NFE2L3: variants seen among roughly 807,000 people sequenced by gnomAD.
NFE2L3 encodes the protein NFE2 like bZIP transcription factor 3, also known as nuclear factor erythroid 2-related factor 3.
NFE2L3 carries 18 observed loss-of-function variants against 23.5 expected under a neutral mutation model. The observed-to-expected ratio is 0.77, with a 90% CI of 0.53 to 1.13. The LOEUF is 1.13. NFE2L3 is among the 50% of genes most tolerant of loss of function. The pLI is 0.00. For synonymous variants in NFE2L3, 424 were observed against 354.5 expected (o/e 1.20, Z -2.20); for missense variants, 1,152 against 877.2 (o/e 1.31, Z -3.96).
intron 1 of NFE2L3, among the ~76,000 whole-genome samples, chr7:26,176,470 G>T (rs1784407385): frequency 6.7e-6 from 1 of 148,562 alleles, no homozygotes; most frequent in Admixed American, 6.7e-5. Context: ...TTCCCAGACG[G>T]GGCGGCCGGG....
chr7:26,153,312 C>T lies in NFE2L3; in HGVS notation c.570+244C>T, dbSNP rs116656981. Among the ~76,000 whole-genome samples, 708 of 152,302 alleles carry T rather than the reference C, an allele frequency of 4.6e-3. 4 individuals carry two copies. Among genetic ancestry groups the T allele is most frequent in the African/African-American group, 0.016 (671 of 41,568 alleles). ...TCATCCGTTTGGTTATAGAGAATAC[C>T]TTTCCTTGTGTGTGATGGCTGGCAA... On this transcript the variant is annotated intron_variant, in intron 1 of 3. Coordinates refer to ENST00000056233, the MANE Select transcript of NFE2L3 (RefSeq NM_004289.7).
intron 1 of NFE2L3, among the ~76,000 whole-genome samples, chr7:26,165,883 G>A (rs1248238970): frequency 6.6e-6 from 1 of 152,152 alleles, no homozygotes; most frequent in East Asian, 1.9e-4. Context: ...GTCAAAGCTG[G>A]CCAGGATTCT....
At chr7:26,172,805 T>A (rs1287217466) in intron 1 of NFE2L3, among the ~76,000 whole-genome samples, 4 of 152,208 alleles carry the variant, frequency 2.6e-5, no homozygotes, top group Admixed American at 2.6e-4. Context: ...GATGATAGAG[T>A]TGACCATTTG....
At chr7:26,164,918 C>A (rs1042733476) in intron 1 of NFE2L3, among the ~76,000 whole-genome samples, 1 of 152,164 alleles carries the variant, frequency 6.6e-6, no homozygotes, top group Non-Finnish European at 1.5e-5. Flanking sequence ...ATAGGGAATC[C>A]TTTCCCCATT....
chr7:26,153,316 C>G (rs775159729), intron 1 of NFE2L3, among the ~76,000 whole-genome samples: 9 of 152,182 alleles, frequency 5.9e-5, no homozygotes, highest in Non-Finnish European at 1.3e-4. Context: ...GAATACCTTT[C>G]CTTGTGTGTG....
rs75609886 is a variant in NFE2L3, at chr7:26,163,251, C to T, written c.570+10183C>T. Among the ~76,000 whole-genome samples, 1,106 of 152,262 alleles carry T rather than the reference C, an allele frequency of 7.3e-3. 14 individuals are homozygous for T. Among genetic ancestry groups the T allele is most frequent in the African/African-American group, 0.025 (1,057 of 41,542 alleles). The stretch of plus-strand genomic sequence containing the variant: ...TCCACTACTTCCATTAACTCAAAAC[C>T]GTCTGTAAATATTTTAGTATATATC... On this transcript the variant is annotated intron_variant, in intron 1 of 3. Transcript: ENST00000056233.
chr7:26,184,495 G>A (rs1048536581), intron 3 of NFE2L3, 38 bp from the exon 4 acceptor site: 7 of 1,556,652 alleles, frequency 4.5e-6, no homozygotes, highest in Non-Finnish European at 4.4e-6. Flanking sequence ...CAGAAATAGG[G>A]CTATTCATGT....
intron 1 of NFE2L3, among the ~76,000 whole-genome samples, chr7:26,157,350 T>A (rs1458165535): frequency 6.6e-6 from 1 of 151,934 alleles, no homozygotes; most frequent in Non-Finnish European, 1.5e-5. Flanking sequence ...GCTGATTTTT[T>A]TTTTTTTTAA....
intron 1 of NFE2L3, among the ~76,000 whole-genome samples, chr7:26,157,282 A>G (rs28409739): frequency 0.066 from 10,040 of 151,744 alleles, 567 homozygotes; most frequent in African/African-American, 0.15. Flanking sequence ...GACTCAAACA[A>G]TTCTCCCACC....
chr7:26,165,628 A>G (rs1207429742), intron 1 of NFE2L3, among the ~76,000 whole-genome samples: 1 of 152,158 alleles, frequency 6.6e-6, no homozygotes, highest in Non-Finnish European at 1.5e-5. Context: ...TCCTAATTGA[A>G]TACCCTTTAT....
Position 26,184,891 on chromosome 7 carries a change from C to T in NFE2L3, c.1193C>T (p.Ala398Val). 3 of 1,613,932 alleles carry T rather than the reference C, an allele frequency of 1.9e-6. No homozygotes were observed. The highest frequency in any genetic ancestry group is 1.1e-5 in the South Asian group (1 of 91,074). ...GATGAGATAAACTTAATGTCATTGGCCACAGAAGACAACTTTGATCCAATC... is the reference window on the plus strand; with the variant it reads ...GATGAGATAAACTTAATGTCATTGGTCACAGAAGACAACTTTGATCCAATC... Reference protein sequence around the residue: ...IFDEINLMSLATEDNFDPIDV... With the variant: ...IFDEINLMSLVTEDNFDPIDV... Residue 398 changes from alanine (A) to valine (V), a missense_variant, in exon 4 of 4, where the codon GCC (alanine) becomes GTC (valine). Physicochemically the swap from Ala to Val is moderately conservative, Grantham distance 64 (BLOSUM62 0). Transcript: ENST00000056233.
chr7:26,171,297 G>A (rs111360226), intron 1 of NFE2L3, among the ~76,000 whole-genome samples: 38 of 152,316 alleles, frequency 2.5e-4, no homozygotes, highest in African/African-American at 7.2e-4. Flanking sequence ...TGTAATCCCA[G>A]TACTTTGGGA....
At chr7:26,182,094 C>T (rs1195949582) in intron 2 of NFE2L3, among the ~76,000 whole-genome samples, 1 of 151,978 alleles carries the variant, frequency 6.6e-6, no homozygotes, top group Admixed American at 6.5e-5. Flanking sequence ...GATTAAAGGA[C>T]TACACAGAGC....
intron 1 of NFE2L3, among the ~76,000 whole-genome samples, chr7:26,177,382 A>G (rs1191186768): frequency 6.6e-6 from 1 of 152,234 alleles, no homozygotes; most frequent in Admixed American, 6.5e-5. Flanking sequence ...AGATCACTCG[A>G]GGTCAGGAGC....
At position 26,175,171 on chromosome 7, in the gene NFE2L3, C is replaced by A. The variant is rs569187394; in HGVS notation, c.571-2772C>A. ...ACCATCCTGGCTAACATGGTGAAAC[C>A]CCGTCTCTACTAAAAAATACCAAAA... On this transcript the variant is annotated intron_variant, in intron 1 of 3. Coordinates refer to ENST00000056233, the MANE Select transcript of NFE2L3 (RefSeq NM_004289.7). Among the ~76,000 whole-genome samples the A allele has an allele frequency of 6.1e-5, 9 of 148,282 alleles. 1 individual carries two copies. The East Asian group carries it at 1.4e-3, about 23-fold the overall frequency.
At position 26,152,407 on chromosome 7, in the gene NFE2L3, G is replaced by C. The variant is rs981229836; in HGVS notation, c.-92G>C. Reference sequence around the variant, plus strand: ...CTTATCTGGGTTCCAGGCAGGTGCGGGCGGCGCGCGGGGTCCGCACGTGTC... The same window carrying C: ...CTTATCTGGGTTCCAGGCAGGTGCGCGCGGCGCGCGGGGTCCGCACGTGTC... On this transcript the variant is annotated 5_prime_UTR_variant, in exon 1 of 4. Coordinates refer to ENST00000056233, the MANE Select transcript of NFE2L3 (RefSeq NM_004289.7). The surrounding 1 kb of genome is among the most constrained non-coding windows in gnomAD (Gnocchi z 4.4). 2 of 933,256 alleles carry C rather than the reference G, an allele frequency of 2.1e-6. No individual in the cohort carries two copies. The highest frequency in any genetic ancestry group is 3.5e-5 in the African/African-American group (2 of 57,530). 57.8% of individuals were successfully genotyped at this position (933,256 alleles called of 1,614,324 possible). A position where few individuals can be genotyped will look rare whatever the true frequency, so the allele number is the denominator to read the frequency against.
At chr7:26,171,625 G>A (rs1361270582) in intron 1 of NFE2L3, among the ~76,000 whole-genome samples, 3 of 151,456 alleles carry the variant, frequency 2.0e-5, no homozygotes, top group Non-Finnish European at 4.4e-5. Context: ...TATTATCTAT[G>A]CCTTGAATTC....
intron 1 of NFE2L3, 57 bp from the exon 2 acceptor site, chr7:26,177,879 ACAATAAG>A: frequency 7.1e-7 from 1 of 1,405,888 alleles, no homozygotes; most frequent in Non-Finnish European, 9.8e-7. Context: ...TGGTCCCTGA[ACAATAAG>A]CACAATGCAG....
At chr7:26,155,541 GTC>G (rs1350921598) in intron 1 of NFE2L3, among the ~76,000 whole-genome samples, 1 of 152,120 alleles carries the variant, frequency 6.6e-6, no homozygotes, top group African/African-American at 2.4e-5. Flanking sequence ...CAGAGCCTGA[GTC>G]TCTTGACTCT....
Sources: allele counts gnomAD v4.1 joint callset (sites outside exome capture counted in the v4.1 genomes callset), GRCh38; gene constraint gnomAD v4.1.1; non-coding constraint Gnocchi (gnomAD v3.1); transcripts MANE v1.5; gene names NCBI Gene and HGNC (gene_info 2026-07-23, HGNC 2026-07-21).